Variants in SHANK2 observed in about 807,000 individuals in gnomAD.
SHANK2 encodes the protein SH3 and multiple ankyrin repeat domains protein 2.
Under a neutral mutation model 133.7 loss-of-function variants are expected in SHANK2, and 43 were observed. That is an observed-to-expected ratio of 0.32 (90% CI 0.25 to 0.41). The LOEUF (loss-of-function observed/expected upper bound fraction) is 0.41, where lower values mean the gene tolerates loss of function less well. Among genes scored for constraint, SHANK2 ranks in the 10% least tolerant of loss-of-function variants. The probability of loss-of-function intolerance (pLI) is 1.00; values close to 1 mark genes in which losing one functional copy is unlikely to be tolerated. For synonymous variants in SHANK2, 1,017 were observed against 952.8 expected (o/e 1.07, Z -1.24); for missense variants, 1,994 against 2,235.8 (o/e 0.89, Z 2.18).
In SHANK2 at chr11:70,915,147, G is replaced by A. The variant is rs371588236; in HGVS notation, c.1108-18580C>T. On this transcript the variant is annotated intron_variant, in intron 10 of 25. Coordinates refer to ENST00000601538, the MANE Select transcript of SHANK2 (RefSeq NM_012309.5). ...TGGGTACTGCTGGCTTGCGGGACACGTTCATCCTCAGCTCCCAATATGATC... is the reference window on the plus strand; with the variant it reads ...TGGGTACTGCTGGCTTGCGGGACACATTCATCCTCAGCTCCCAATATGATC... Among the ~76,000 whole-genome samples the A allele has an allele frequency of 5.9e-5, 9 of 152,124 alleles. No individual in the cohort carries two copies. In the South Asian group the frequency reaches 1.2e-3, roughly 21 times the overall value.
rs1244261518 is a variant in SHANK2, at chr11:70,820,495, G to C, written c.1362C>G (p.Pro454=). Residue 454 remains proline, a synonymous_variant, in exon 12 of 26, where the codon CCC becomes CCG. Coordinates refer to ENST00000601538, the MANE Select transcript of SHANK2 (RefSeq NM_012309.5). The part of the protein sequence containing the change: ...SLSPQLLQQM[P]SKPEGAAKTI... The stretch of plus-strand genomic sequence containing the variant: ...TCTTCGCGGCCCCCTCGGGCTTGCT[G>C]GGCATCTGCTGCAGCAGCTGGGGTG... 8.4e-6 allele frequency: 6 copies of C among 716,890 alleles called. No homozygotes were observed. The highest frequency in any genetic ancestry group is 2.0e-5 in the Admixed American group (1 of 49,990). 44.4% of individuals were successfully genotyped at this position (716,890 alleles called of 1,614,324 possible). A position where few individuals can be genotyped will look rare whatever the true frequency, so the allele number is the denominator to read the frequency against.
chr11:71,136,295 G>A (rs185579092), intron 3 of SHANK2, among the ~76,000 whole-genome samples: 112 of 152,096 alleles, frequency 7.4e-4, no homozygotes, highest in South Asian at 3.8e-3. Context: ...TATGTGCAAC[G>A]GAATACTACT....
intron 10 of SHANK2, chr11:70,943,860 G>A: frequency 6.6e-6 from 3 of 453,932 alleles, no homozygotes; most frequent in Admixed American, 4.7e-5. Flanking sequence ...ACGCCACAGT[G>A]CTTTTTCAGG....
In SHANK2 at chr11:70,473,349, C is replaced by T. The variant is rs1555149262; in HGVS notation, c.5070G>A (p.Leu1690=). 1 of 1,613,142 alleles carries T rather than the reference C, an allele frequency of 6.2e-7. No individual in the cohort carries two copies. Among genetic ancestry groups the T allele is most frequent in the Non-Finnish European group, 8.5e-7 (1 of 1,180,022 alleles). ...VRPGTSQPIT[L]QSRPPDYESR... ...TTTCATAGTCGGGGGGCCGGCTCTG[C>T]AGGGTGATGGGCTGGGAGGTGCCGG... Residue 1690 remains leucine (L), a synonymous_variant, in exon 26 of 26, where the codon CTG becomes CTA. Coordinates refer to ENST00000601538, the MANE Select transcript of SHANK2 (RefSeq NM_012309.5). This position sits in a 1 kb window ranked among gnomAD's most constrained non-coding sequence, Gnocchi z 5.9.
At chr11:71,253,035 C>T (rs1344984253), upstream of SHANK2, among the ~76,000 whole-genome samples, 4 of 152,334 alleles carry the variant, frequency 2.6e-5, no homozygotes, top group African/African-American at 9.6e-5. Context: ...AACTTTGTAC[C>T]CGGGTGATAC....
rs781874756 is a variant in SHANK2, at chr11:70,487,251, C to T, written c.3042G>A (p.Val1014=). Residue 1014 remains valine (V), a synonymous_variant, in exon 25 of 26, where the codon GTG becomes GTA. Coordinates refer to ENST00000601538, the MANE Select transcript of SHANK2 (RefSeq NM_012309.5). This position sits in a 1 kb window ranked among gnomAD's most constrained non-coding sequence, Gnocchi z 5.8. ...AKPARRKGML[V]KQSNVEDSPE... is the part of the protein sequence containing the mutation. ...GGCTGTCCTCCACGTTGGACTGCTT[C>T]ACCAGCATCCCCTTCCGCCTGGCGG... is the stretch of plus-strand genomic sequence containing the variant. 12 of 1,614,094 alleles carry T rather than the reference C, an allele frequency of 7.4e-6. No homozygotes were observed. Among genetic ancestry groups the T allele is most frequent in the Non-Finnish European group, 9.3e-6 (11 of 1,180,056 alleles).
chr11:70,595,206 C>T (rs932638540), intron 17 of SHANK2, among the ~76,000 whole-genome samples: 1 of 152,144 alleles, frequency 6.6e-6, no homozygotes, highest in Admixed American at 6.5e-5. Flanking sequence ...GGGGGGTGGC[C>T]CTCCAGGCAG....
chr11:71,087,424 C>T lies in SHANK2; in HGVS notation c.912+4998G>A, dbSNP rs965567696. Among the ~76,000 whole-genome samples the T allele has an allele frequency of 3.0e-4, 46 of 152,230 alleles. No homozygotes were observed. In the South Asian group the frequency reaches 8.9e-3, roughly 30 times the overall value. On this transcript the variant is annotated intron_variant, in intron 8 of 25. Transcript: ENST00000601538. ...GGGGCTATTCTGGCAAAAGGGCTGG[C>T]GGCTGGATTCAGGACTCTGTGAACT...
intron 12 of SHANK2, among the ~76,000 whole-genome samples, chr11:70,814,550 C>T (rs940055575): frequency 1.1e-4 from 16 of 152,326 alleles, no homozygotes; most frequent in African/African-American, 3.8e-4. Context: ...ATTTCATCCG[C>T]CTGAAACCCT....
intron 15 of SHANK2, chr11:70,661,993 G>A: frequency 3.3e-6 from 2 of 609,304 alleles, no homozygotes; most frequent in Non-Finnish European, 5.8e-6. Flanking sequence ...GCTCAAGGGG[G>A]GCTGGCCAGG....
At chr11:70,822,061 C>A (rs542000023) in intron 11 of SHANK2, among the ~76,000 whole-genome samples, 1 of 152,246 alleles carries the variant, frequency 6.6e-6, no homozygotes, top group East Asian at 1.9e-4. Flanking sequence ...ACAGCGAGTG[C>A]CCTTTCCAAG....
chr11:71,108,760 A>C (rs1489469739), intron 6 of SHANK2, among the ~76,000 whole-genome samples: 2 of 152,192 alleles, frequency 1.3e-5, no homozygotes, highest in Non-Finnish European at 2.9e-5. Flanking sequence ...AGCCTCGCTC[A>C]TGCAGTCCTG....
intron 17 of SHANK2, chr11:70,630,994 G>C (rs571171549): frequency 2.6e-4 from 40 of 152,402 alleles, no homozygotes; most frequent in African/African-American, 9.6e-4. Context: ...ACCGGACAGG[G>C]AGCAACTGGC....
chr11:70,952,835 T>C (rs1555086980), intron 10 of SHANK2: 1 of 393,998 alleles, frequency 2.5e-6, no homozygotes, highest in East Asian at 8.0e-5. Context: ...TGGGAACAAA[T>C]GATCACAAAC....
intron 14 of SHANK2, among the ~76,000 whole-genome samples, chr11:70,716,895 GC>G (rs60827522): frequency 0.42 from 58,303 of 138,588 alleles, 12,297 homozygotes; most frequent in Non-Finnish European, 0.46. Flanking sequence ...GGGTCCCGGA[GC>G]CCCCCCCCCG....
At chr11:70,595,396 T>C (rs534760951) in intron 17 of SHANK2, among the ~76,000 whole-genome samples, 3 of 152,372 alleles carry the variant, frequency 2.0e-5, no homozygotes, top group Admixed American at 6.5e-5. Flanking sequence ...AATTTATTTA[T>C]AAAGCGACTG....
intron 8 of SHANK2, among the ~76,000 whole-genome samples, chr11:71,079,801 G>C (rs976438126): frequency 2.8e-5 from 4 of 140,760 alleles, no homozygotes; most frequent in Non-Finnish European, 6.2e-5. Flanking sequence ...AGAGAAGAGA[G>C]AGAGAGAAAG....
At chr11:71,076,318 T>C (rs1951218850) in intron 8 of SHANK2, among the ~76,000 whole-genome samples, 1 of 152,080 alleles carries the variant, frequency 6.6e-6, no homozygotes, top group African/African-American at 2.4e-5. Context: ...GTAGGCGCCA[T>C]GGTAGCCCAG....
At chr11:70,702,008 T>C (rs1945533297) in intron 14 of SHANK2, among the ~76,000 whole-genome samples, 1 of 149,516 alleles carries the variant, frequency 6.7e-6, no homozygotes, top group African/African-American at 2.5e-5. Context: ...ACTATCATCA[T>C]CATCAGCATC....
Sources: gnomAD v4.1 joint callset for allele counts (sites outside exome capture counted in the v4.1 genomes callset) on GRCh38, gnomAD v4.1.1 for gene constraint, Gnocchi (gnomAD v3.1) non-coding constraint, MANE v1.5 for transcripts, NCBI Gene and HGNC (gene_info 2026-07-23, HGNC 2026-07-21) for gene names.